ZFHX3: variants seen among roughly 807,000 people sequenced by gnomAD.
ZFHX3 encodes the protein zinc finger homeobox 3.
Under a neutral mutation model 279.1 loss-of-function variants are expected in ZFHX3, and 42 were observed. The ratio of observed to expected loss-of-function variants is 0.15; its 90% confidence interval spans 0.12 to 0.19. The LOEUF (loss-of-function observed/expected upper bound fraction) is 0.19. Ranked by LOEUF, ZFHX3 falls within the 10% of genes least tolerant of loss-of-function variation. The pLI, the probability that ZFHX3 is intolerant of heterozygous loss-of-function variation, is 1.00. For missense variants in ZFHX3, 4,981 were observed against 4,754.0 expected (o/e 1.05, Z -1.40); for synonymous variants, 2,293 against 1,957.8 (o/e 1.17, Z -4.52).
At chr16:72,942,291 G>A (rs1221456248) in intron 3 of ZFHX3, among the ~76,000 whole-genome samples, 8 of 152,166 alleles carry the variant, frequency 5.3e-5, no homozygotes, top group African/African-American at 1.7e-4. Context: ...GTAACACAAC[G>A]CATTATCCTG....
At chr16:73,478,340 T>G (rs1328241298) in intron 2 of ZFHX3, among the ~76,000 whole-genome samples, 3 of 151,634 alleles carry the variant, frequency 2.0e-5, no homozygotes, top group South Asian at 2.1e-4. Flanking sequence ...ACTTGAACCC[T>G]GGACCCTCAG....
intron 2 of ZFHX3, among the ~76,000 whole-genome samples, chr16:73,587,564 T>G (rs1292613393): frequency 6.6e-6 from 1 of 152,160 alleles, no homozygotes; most frequent in African/African-American, 2.4e-5. Context: ...TCCACCACAC[T>G]CATCATAAAT....
chr16:73,593,205 A>C (rs763375340), intron 2 of ZFHX3, among the ~76,000 whole-genome samples: 1 of 152,170 alleles, frequency 6.6e-6, no homozygotes, highest in Non-Finnish European at 1.5e-5. Flanking sequence ...CAGGGAACAA[A>C]CACTTTTAAT....
intron 7 of ZFHX3, among the ~76,000 whole-genome samples, chr16:73,102,103 G>A (rs1966239133): frequency 1.3e-5 from 2 of 151,826 alleles, no homozygotes; most frequent in East Asian, 2.0e-4. Flanking sequence ...TAGTAGAGAC[G>A]AGGTTTTACC....
Position 73,505,564 on chromosome 16 carries a change from A to G in ZFHX3, c.-1546-49306T>C, listed in dbSNP as rs537316780. ...AGCTGAAACACATTGGAGGAAAAAAAAAAAAGACAAAAATTACATATTAAT... is the reference window on the plus strand; with the variant it reads ...AGCTGAAACACATTGGAGGAAAAAAGAAAAAGACAAAAATTACATATTAAT... On this transcript the variant is annotated intron_variant, in intron 2 of 17. Transcript: ENST00000641206. Among the ~76,000 whole-genome samples, 5 of 152,268 alleles carry G rather than the reference A, an allele frequency of 3.3e-5. No individual in the cohort carries two copies. In the East Asian group the frequency reaches 9.6e-4, roughly 29 times the overall value.
intron 7 of ZFHX3, among the ~76,000 whole-genome samples, chr16:72,804,166 T>A (rs552277314): frequency 6.6e-6 from 1 of 152,328 alleles, no homozygotes; most frequent in African/African-American, 2.4e-5. Context: ...GCGTTCCACA[T>A]TGATGCTAAA....
Position 73,482,120 on chromosome 16 carries a change from A to G in ZFHX3, c.-1546-25862T>C, listed in dbSNP as rs181692077. 1.8e-4 allele frequency among the ~76,000 whole-genome samples: 27 copies of G among 152,324 alleles called. 1 individual carries two copies. In the East Asian group the frequency reaches 4.8e-3, roughly 27 times the overall value. ...TCAGCGCAAGTGTATACGAGTGGAA[A>G]AATGAAGGAAAGGGAAGGGCAGAGG... On this transcript the variant is annotated intron_variant, in intron 2 of 17. Transcript: ENST00000641206.
intron 4 of ZFHX3, among the ~76,000 whole-genome samples, chr16:72,863,340 TAAAAAAAAAAAAAAA>T: frequency 1.5e-5 from 1 of 64,630 alleles, no homozygotes; most frequent in East Asian, 4.9e-4. Context: ...TCATCTCTAC[TAAAAAAAAAAAAAAA>T]AAAAAAAAAA....
chr16:73,394,480 A>G (rs1421693246), intron 3 of ZFHX3, among the ~76,000 whole-genome samples: 1 of 152,042 alleles, frequency 6.6e-6, no homozygotes, highest in African/African-American at 2.4e-5. Flanking sequence ...TATTTTCAGT[A>G]GAGATGGGGT....
intron 2 of ZFHX3, among the ~76,000 whole-genome samples, chr16:73,654,490 A>T (rs2052702829): frequency 6.6e-6 from 1 of 152,148 alleles, no homozygotes; most frequent in Non-Finnish European, 1.5e-5. Flanking sequence ...CCTTGATACC[A>T]ACCCCTAATG....
chr16:73,054,089 G>A lies in ZFHX3; in HGVS notation c.-24+4441C>T, dbSNP rs548814499. On this transcript the variant is annotated intron_variant, in intron 1 of 8. Transcript: ENST00000397992. ...GGGAGGAGTGATAAAACCAGAAGGAGCCCAAAACCCAGTTACTACTGCCCC... is the reference window on the plus strand; with the variant it reads ...GGGAGGAGTGATAAAACCAGAAGGAACCCAAAACCCAGTTACTACTGCCCC... Among the ~76,000 whole-genome samples, 4 of 152,108 alleles carry A rather than the reference G, an allele frequency of 2.6e-5. No homozygotes were observed. In the South Asian group the frequency reaches 8.3e-4, roughly 32 times the overall value.
Position 73,834,476 on chromosome 16 carries a change from C to A in ZFHX3, c.-1608+57175G>T, listed in dbSNP as rs116707779. The stretch of plus-strand genomic sequence containing the variant: ...CAAGAGAAAGAAGCACACAGCCAAG[C>A]CAAAACCTTGGTTATTCCTCCCAGA... On this transcript the variant is annotated intron_variant, in intron 1 of 17. Coordinates refer to the ZFHX3 transcript ENST00000641206. Among the ~76,000 whole-genome samples the A allele has an allele frequency of 2.5e-3, 376 of 152,286 alleles. 3 individuals are homozygous for A. Among genetic ancestry groups the A allele is most frequent in the African/African-American group, 8.5e-3 (354 of 41,554 alleles).
At chr16:73,038,781 T>TTATTGC (rs1412847248) in intron 1 of ZFHX3, among the ~76,000 whole-genome samples, 1 of 88,926 alleles carries the variant, frequency 1.1e-5, no homozygotes, top group African/African-American at 5.5e-5. Context: ...CTCTTCCTTT[T>TTATTGC]TATTACTATT....
chr16:73,875,735 T>C (rs1005889682), intron 1 of ZFHX3, among the ~76,000 whole-genome samples: 5 of 152,312 alleles, frequency 3.3e-5, no homozygotes, highest in Non-Finnish European at 5.9e-5. Context: ...AACAAAAGCA[T>C]GATGAACCGG....
At chr16:72,969,306 C>T (rs1961994634) in intron 1 of ZFHX3, among the ~76,000 whole-genome samples, 2 of 152,102 alleles carry the variant, frequency 1.3e-5, no homozygotes, top group Non-Finnish European at 2.9e-5. Context: ...CAAGAGGCTT[C>T]TAGGTGGAGC....
chr16:73,367,606 G>T (rs1005993555), intron 3 of ZFHX3, among the ~76,000 whole-genome samples: 1 of 152,154 alleles, frequency 6.6e-6, no homozygotes, highest in African/African-American at 2.4e-5. Flanking sequence ...AGAAAATCAT[G>T]TGGCTGTGGG....
intron 4 of ZFHX3, among the ~76,000 whole-genome samples, chr16:73,317,629 G>A (rs1332380752): frequency 6.6e-6 from 1 of 152,156 alleles, no homozygotes; most frequent in Non-Finnish European, 1.5e-5. Context: ...GTTATGGAGA[G>A]GTTAGTGGCC....
At chr16:73,800,400 A>G (rs1403550399) in intron 1 of ZFHX3, among the ~76,000 whole-genome samples, 1 of 152,072 alleles carries the variant, frequency 6.6e-6, no homozygotes, top group Non-Finnish European at 1.5e-5. Context: ...TATTTTTAGT[A>G]GAGACGGGGT....
intron 5 of ZFHX3, among the ~76,000 whole-genome samples, chr16:73,214,291 C>T (rs1171181044): frequency 3.9e-5 from 6 of 152,222 alleles, no homozygotes; most frequent in Admixed American, 2.6e-4. Flanking sequence ...AGGCTGGATG[C>T]AGTCCACGTT....
Sources: allele counts gnomAD v4.1 joint callset (sites outside exome capture counted in the v4.1 genomes callset), GRCh38; gene constraint gnomAD v4.1.1; transcripts MANE v1.5; gene names NCBI Gene and HGNC (gene_info 2026-07-23, HGNC 2026-07-21).